ADAMTSL1: variants seen among roughly 807,000 people sequenced by gnomAD.
The protein encoded by ADAMTSL1 is ADAMTS-like protein 1.
Under a neutral mutation model 201.8 loss-of-function variants are expected in ADAMTSL1, and 126 were observed. The observed-to-expected ratio is 0.62, with a 90% CI of 0.54 to 0.72. ADAMTSL1 has a LOEUF of 0.72. Ranked by LOEUF, ADAMTSL1 falls within the 30% of genes least tolerant of loss-of-function variation. The pLI is 0.00. For missense variants in ADAMTSL1, 2,679 were observed against 2,277.8 expected (o/e 1.18, Z -3.59); for synonymous variants, 1,121 against 903.4 (o/e 1.24, Z -4.32).
chr9:18,388,502 G>C (rs969121505), intron 2 of ADAMTSL1, among the ~76,000 whole-genome samples: 3 of 152,024 alleles, frequency 2.0e-5, no homozygotes, highest in African/African-American at 7.2e-5. Flanking sequence ...TCGAAGTCCT[G>C]ACCTCAAGTG....
At chr9:18,804,181 C>T (rs894845694) in intron 20 of ADAMTSL1, among the ~76,000 whole-genome samples, 3 of 152,188 alleles carry the variant, frequency 2.0e-5, no homozygotes, top group Admixed American at 6.5e-5. Flanking sequence ...CAACTATTAA[C>T]TCCCTTTACC....
intron 2 of ADAMTSL1, among the ~76,000 whole-genome samples, chr9:18,255,221 A>G (rs1831635140): frequency 6.6e-6 from 1 of 152,174 alleles, no homozygotes; most frequent in African/African-American, 2.4e-5. Context: ...GTATTTGCAC[A>G]TTCGTAGGCT....
chr9:18,061,922 A>T (rs189616510), intron 1 of ADAMTSL1, among the ~76,000 whole-genome samples: 14 of 152,336 alleles, frequency 9.2e-5, no homozygotes, highest in Non-Finnish European at 1.8e-4. Context: ...CATTTGTGCA[A>T]AGGATCTGAA....
At chr9:18,163,573 C>A (rs1363005926) in intron 1 of ADAMTSL1, among the ~76,000 whole-genome samples, 1 of 151,870 alleles carries the variant, frequency 6.6e-6, no homozygotes, top group African/African-American at 2.4e-5. Context: ...AGGAGCCTGA[C>A]CATATTGGAC....
At chr9:17,925,906 G>T (rs548717265) in intron 1 of ADAMTSL1, among the ~76,000 whole-genome samples, 1 of 151,096 alleles carries the variant, frequency 6.6e-6, no homozygotes, top group South Asian at 2.1e-4. Flanking sequence ...GACACTTGAC[G>T]AAATGGAGAA....
chr9:18,331,044 G>C (rs1405696799), intron 2 of ADAMTSL1, among the ~76,000 whole-genome samples: 2 of 152,162 alleles, frequency 1.3e-5, no homozygotes, highest in Admixed American at 1.3e-4. Context: ...TATTTCACGT[G>C]TAGGTTTTGG....
At chr9:18,798,637 G>A (rs1249141651) in intron 20 of ADAMTSL1, among the ~76,000 whole-genome samples, 2 of 152,160 alleles carry the variant, frequency 1.3e-5, no homozygotes, top group African/African-American at 4.8e-5. Context: ...TAGCCATCTG[G>A]AAAGTACTTG....
intron 2 of ADAMTSL1, among the ~76,000 whole-genome samples, chr9:18,357,930 G>A (rs1836326287): frequency 6.6e-6 from 1 of 152,204 alleles, no homozygotes; most frequent in East Asian, 1.9e-4. Context: ...TAATGGATTA[G>A]ACTCCAAAGA....
chr9:18,125,343 C>G (rs975912964), intron 1 of ADAMTSL1, among the ~76,000 whole-genome samples: 1 of 152,160 alleles, frequency 6.6e-6, no homozygotes, highest in South Asian at 2.1e-4. Context: ...TCAATCACCT[C>G]TCACTGGGTT....
chr9:18,832,190 T>A (rs1261173545), intron 23 of ADAMTSL1, among the ~76,000 whole-genome samples: 2 of 152,184 alleles, frequency 1.3e-5, no homozygotes, highest in African/African-American at 4.8e-5. Flanking sequence ...ACAATCCTAA[T>A]GCCCTCCTTC....
chr9:18,585,970 C>G (rs1179928107), intron 4 of ADAMTSL1, among the ~76,000 whole-genome samples: 1 of 152,050 alleles, frequency 6.6e-6, no homozygotes, highest in East Asian at 1.9e-4. Context: ...ATGACAAGCC[C>G]ACAGCCAACA....
intron 4 of ADAMTSL1, among the ~76,000 whole-genome samples, chr9:18,593,757 G>C (rs1480992576): frequency 1.3e-5 from 2 of 151,384 alleles, no homozygotes; most frequent in Admixed American, 6.6e-5. Context: ...TTATTCCATT[G>C]TGTTCAGAGA....
intron 1 of ADAMTSL1, among the ~76,000 whole-genome samples, chr9:18,011,459 G>C (rs1389381993): frequency 6.6e-6 from 1 of 151,998 alleles, no homozygotes; most frequent in Non-Finnish European, 1.5e-5. Flanking sequence ...ATGCCTAGGA[G>C]AGGATGGAAG....
upstream of ADAMTSL1, among the ~76,000 whole-genome samples, chr9:18,472,380 T>C (rs963128342): frequency 6.6e-6 from 1 of 152,224 alleles, no homozygotes; most frequent in African/African-American, 2.4e-5. Flanking sequence ...AACAAATCTT[T>C]CTAAAAGGGA....
At chr9:17,972,329 A>T (rs1818241861) in intron 1 of ADAMTSL1, among the ~76,000 whole-genome samples, 1 of 93,924 alleles carries the variant, frequency 1.1e-5, no homozygotes, top group African/African-American at 4.1e-5. Context: ...CCAAGCTACA[A>T]CAGTCCCCGG....
At chr9:18,242,481 A>T (rs950963587) in intron 2 of ADAMTSL1, among the ~76,000 whole-genome samples, 1 of 152,156 alleles carries the variant, frequency 6.6e-6, no homozygotes, top group African/African-American at 2.4e-5. Flanking sequence ...CTTTAATTCT[A>T]TTCAACATAG....
At chr9:18,074,332 A>G (rs1823098762) in intron 1 of ADAMTSL1, among the ~76,000 whole-genome samples, 1 of 152,208 alleles carries the variant, frequency 6.6e-6, no homozygotes, top group African/African-American at 2.4e-5. Flanking sequence ...TGGAGTGCAT[A>G]GAATGGAGAT....
At chr9:18,787,114 T>C (rs565858445) in intron 19 of ADAMTSL1, among the ~76,000 whole-genome samples, 1 of 152,260 alleles carries the variant, frequency 6.6e-6, no homozygotes, top group East Asian at 1.9e-4. Flanking sequence ...ATATAAAAAC[T>C]AGAGGCAGGG....
intron 13 of ADAMTSL1, among the ~76,000 whole-genome samples, chr9:18,698,892 G>T (rs1831742373): frequency 6.6e-6 from 1 of 152,114 alleles, no homozygotes; most frequent in Non-Finnish European, 1.5e-5. Context: ...GCCTCCTGAT[G>T]GTCAGTGGGA....
Sources: allele counts gnomAD v4.1 joint callset (sites outside exome capture counted in the v4.1 genomes callset), GRCh38; gene constraint gnomAD v4.1.1; transcripts MANE v1.5; gene names NCBI Gene and HGNC (gene_info 2026-07-23, HGNC 2026-07-21).